PAPPA2: variants seen among roughly 807,000 people sequenced by gnomAD.
The protein encoded by PAPPA2 is pappalysin 2.
Under a neutral mutation model 176.4 loss-of-function variants are expected in PAPPA2, and 86 were observed. That is an observed-to-expected ratio of 0.49 (90% CI 0.41 to 0.58). The LOEUF is 0.58. Ranked by LOEUF, PAPPA2 falls within the 20% of genes least tolerant of loss-of-function variation. The pLI is 0.00. For missense variants in PAPPA2, 2,073 were observed against 2,256.9 expected (o/e 0.92, Z 1.65); for synonymous variants, 809 against 852.2 (o/e 0.95, Z 0.88).
At chr1:176,712,421 A>T (rs914352440) in intron 12 of PAPPA2, among the ~76,000 whole-genome samples, 1 of 152,146 alleles carries the variant, frequency 6.6e-6, no homozygotes, top group African/African-American at 2.4e-5. Flanking sequence ...TTTGAAATTT[A>T]TAGGAAAACA....
chr1:176,801,891 A>G (rs1371573128), intron 21 of PAPPA2, among the ~76,000 whole-genome samples: 1 of 152,078 alleles, frequency 6.6e-6, no homozygotes, highest in Non-Finnish European at 1.5e-5. Flanking sequence ...TCACTTATCC[A>G]GAGCTTCCTA....
Position 176,586,073 on chromosome 1 carries a change from T to G in PAPPA2, c.920-8451T>G, listed in dbSNP as rs999034770. 2.6e-5 allele frequency among the ~76,000 whole-genome samples: 4 copies of G among 152,280 alleles called. No individual in the cohort carries two copies. The East Asian group carries it at 7.7e-4, about 29-fold the overall frequency. The stretch of plus-strand genomic sequence containing the variant: ...TTCCTTTGGAGGTGTAATGTTTCCT[T>G]GATTTTCTATGTTTGATGTGTTCTT... On this transcript the variant is annotated intron_variant, in intron 2 of 22. Transcript: ENST00000367662.
In PAPPA2 at chr1:176,528,868, C is replaced by T. The variant is rs900985345; in HGVS notation, c.-916-26539C>T. ...CTCCCTGGAATGCCCTTTCCTCCAA[C>T]CTACCTTATCAAGACGCTGCCATCC... On this transcript the variant is annotated intron_variant, in intron 1 of 22. Coordinates refer to ENST00000367662, the MANE Select transcript of PAPPA2 (RefSeq NM_020318.3). Among the ~76,000 whole-genome samples, 3 of 152,200 alleles carry T rather than the reference C, an allele frequency of 2.0e-5. No homozygotes were observed. The South Asian group carries it at 6.2e-4, about 32-fold the overall frequency.
intron 21 of PAPPA2, among the ~76,000 whole-genome samples, chr1:176,820,462 T>G (rs563564159): frequency 1.3e-5 from 2 of 152,260 alleles, no homozygotes; most frequent in African/African-American, 4.8e-5. Context: ...CATTTCAGAA[T>G]AGGGAGACTG....
intron 1 of PAPPA2, among the ~76,000 whole-genome samples, chr1:176,554,732 A>G (rs1651165260): frequency 6.6e-6 from 1 of 152,216 alleles, no homozygotes. Context: ...AAGGAGACCT[A>G]TGTAGTATGA....
At chr1:176,539,498 T>C (rs930012329) in intron 1 of PAPPA2, among the ~76,000 whole-genome samples, 8 of 152,188 alleles carry the variant, frequency 5.3e-5, no homozygotes, top group Non-Finnish European at 1.0e-4. Flanking sequence ...CCTAGGGACA[T>C]ACAGCTAAAT....
chr1:176,510,810 T>TACACACACACACACACACACACAC (rs200808228), intron 1 of PAPPA2, among the ~76,000 whole-genome samples: 39 of 126,558 alleles, frequency 3.1e-4, no homozygotes, highest in Non-Finnish European at 3.8e-4. Context: ...AAGCAACACA[T>TACACACACACACACACACACACAC]ACACACACAC....
intron 21 of PAPPA2, among the ~76,000 whole-genome samples, chr1:176,801,090 TACACACACACACACGC>T (rs1449759070): frequency 7.2e-6 from 1 of 138,224 alleles, no homozygotes; most frequent in Non-Finnish European, 1.5e-5. Flanking sequence ...AGGAGATGCT[TACACACACACACACGC>T]ACACACACAC....
At chr1:176,650,991 A>G (rs1034340304) in intron 3 of PAPPA2, among the ~76,000 whole-genome samples, 2 of 151,714 alleles carry the variant, frequency 1.3e-5, no homozygotes, top group Admixed American at 1.3e-4. Context: ...TAAAGTGAAA[A>G]CTTTTTAAAA....
intron 1 of PAPPA2, among the ~76,000 whole-genome samples, chr1:176,480,715 C>T (rs1652352710): frequency 6.6e-6 from 1 of 152,096 alleles, no homozygotes; most frequent in South Asian, 2.1e-4. Flanking sequence ...TTTTCTTTCT[C>T]CAGCAGTAAT....
At chr1:176,731,655 ATGTG>A (rs778351283) in intron 12 of PAPPA2, among the ~76,000 whole-genome samples, 26 of 151,534 alleles carry the variant, frequency 1.7e-4, no homozygotes, top group Admixed American at 3.3e-4. Context: ...ATATATACAT[ATGTG>A]TGTGTGTACA....
intron 2 of PAPPA2, among the ~76,000 whole-genome samples, chr1:176,582,939 G>A (rs926926745): frequency 9.9e-5 from 15 of 152,074 alleles, no homozygotes; most frequent in Non-Finnish European, 2.2e-4. Context: ...ACCTGTTATT[G>A]ATCTGTTCAA....
At chr1:176,523,136 AAC>A (rs1312735953) in intron 1 of PAPPA2, among the ~76,000 whole-genome samples, 18 of 152,178 alleles carry the variant, frequency 1.2e-4, no homozygotes, top group Non-Finnish European at 1.9e-4. Flanking sequence ...AACCAAATCA[AAC>A]AGTTTTGTTC....
At chr1:176,683,135 G>A (rs565117199) in intron 4 of PAPPA2, among the ~76,000 whole-genome samples, 2 of 152,104 alleles carry the variant, frequency 1.3e-5, no homozygotes, top group South Asian at 4.1e-4. Context: ...GGAAAAGCCA[G>A]TAGGAACTTA....
At chr1:176,801,090 TACACACACACACACGCAC>T (rs1665663287) in intron 21 of PAPPA2, among the ~76,000 whole-genome samples, 1 of 138,322 alleles carries the variant, frequency 7.2e-6, no homozygotes, top group South Asian at 2.2e-4. Flanking sequence ...AGGAGATGCT[TACACACACACACACGCAC>T]ACACACACAC....
chr1:176,604,360 G>T (rs1654496188), intron 3 of PAPPA2, among the ~76,000 whole-genome samples: 2 of 152,140 alleles, frequency 1.3e-5, no homozygotes. Flanking sequence ...ATACGTTTGG[G>T]CGACTCTCAT....
At chr1:176,722,184 T>C (rs1237299163) in intron 12 of PAPPA2, among the ~76,000 whole-genome samples, 1 of 152,158 alleles carries the variant, frequency 6.6e-6, no homozygotes, top group Middle Eastern at 3.2e-3. Context: ...CACCAATATC[T>C]TGATGGAGGG....
At chr1:176,716,200 A>G (rs1661359791) in intron 12 of PAPPA2, among the ~76,000 whole-genome samples, 1 of 150,336 alleles carries the variant, frequency 6.7e-6, no homozygotes, top group African/African-American at 2.4e-5. Context: ...TGTTATTACT[A>G]ATTTTTGTCC....
chr1:176,513,040 C>A (rs1648704007), intron 1 of PAPPA2, among the ~76,000 whole-genome samples: 1 of 152,186 alleles, frequency 6.6e-6, no homozygotes, highest in Non-Finnish European at 1.5e-5. Flanking sequence ...ATACCATCAG[C>A]TCTCTTGCTT....
Sources: gnomAD v4.1 joint callset for allele counts (sites outside exome capture counted in the v4.1 genomes callset) on GRCh38, gnomAD v4.1.1 for gene constraint, MANE v1.5 for transcripts, NCBI Gene and HGNC (gene_info 2026-07-23, HGNC 2026-07-21) for gene names.